FAHD2B: variants seen among roughly 807,000 people sequenced by gnomAD.
FAHD2B encodes oxaloacetate tautomerase FAHD2B, mitochondrial.
A neutral mutation model predicts 33.7 loss-of-function variants in FAHD2B; 26 were observed. The observed-to-expected ratio is 0.77, with a 90% CI of 0.57 to 1.07. The LOEUF is 1.07. Among genes scored for constraint, FAHD2B ranks in the 50% least tolerant of loss-of-function variants. The pLI, the probability that FAHD2B is intolerant of heterozygous loss-of-function variation, is 0.00. For missense variants in FAHD2B, 272 were observed against 388.1 expected (o/e 0.70, Z 2.51); for synonymous variants, 108 against 150.9 (o/e 0.72, Z 2.08).
At chr2:97,093,895 G>C (rs1056443985) in intron 1 of FAHD2B, among the ~76,000 whole-genome samples, 10 of 152,126 alleles carry the variant, frequency 6.6e-5, no homozygotes, top group Admixed American at 1.3e-4. Context: ...AGCTAGGAGG[G>C]GAGGGAGCTG....
chr2:97,084,855 G>C (rs1399476456), intron 6 of FAHD2B, among the ~76,000 whole-genome samples: 5 of 149,042 alleles, frequency 3.4e-5, no homozygotes, highest in African/African-American at 7.5e-5. Flanking sequence ...TGAGGCTTCA[G>C]TGAGCTGGGA....
chr2:97,091,520 G>C lies in FAHD2B; in HGVS notation c.187C>G (p.Pro63Ala). The C allele has an allele frequency of 6.2e-7, 1 of 1,613,452 alleles. No individual in the cohort carries two copies. The highest frequency in any genetic ancestry group is 8.5e-7 in the Non-Finnish European group (1 of 1,179,884). The change falls in exon 3 of 9, where the codon CCA becomes GCA. Residue 63 changes from proline to alanine, a missense_variant. Coordinates refer to ENST00000414820, the MANE Select transcript of FAHD2B (RefSeq NM_001320848.2). ...INLNAFDPTL[P>A]KTMTQFLEQG... The stretch of plus-strand genomic sequence containing the variant: ...TCTAGGAACTGCGTCATCGTCTTTG[G>C]GAGTGTGGGGTCAAAGGCATTGAGG...
At chr2:97,093,407 A>G (rs1216707573) in intron 1 of FAHD2B, among the ~76,000 whole-genome samples, 1 of 151,994 alleles carries the variant, frequency 6.6e-6, no homozygotes, top group Non-Finnish European at 1.5e-5. Context: ...ATGCTAACAT[A>G]ACAGTAACTG....
downstream of FAHD2B, chr2:97,082,403 G>C (rs527766084): frequency 1.5e-5 from 24 of 1,613,674 alleles, no homozygotes; most frequent in Non-Finnish European, 2.0e-5. Context: ...CTGCAGAGTC[G>C]GGCTACACAG....
At chr2:97,092,807 C>T in intron 1 of FAHD2B, among the ~76,000 whole-genome samples, 1 of 151,430 alleles carries the variant, frequency 6.6e-6, no homozygotes, top group African/African-American at 2.4e-5. Flanking sequence ...CCTGTATCCC[C>T]TAAAAATGCA....
At chr2:97,093,986 C>T (rs111727400) in intron 1 of FAHD2B, among the ~76,000 whole-genome samples, 3 of 151,998 alleles carry the variant, frequency 2.0e-5, no homozygotes, top group Non-Finnish European at 4.4e-5. Context: ...TAGCTTCAGC[C>T]CCATCTTCCT....
downstream of FAHD2B, among the ~76,000 whole-genome samples, chr2:97,079,674 T>G (rs2031581780): frequency 1.3e-5 from 2 of 151,596 alleles, no homozygotes; most frequent in African/African-American, 2.4e-5. Flanking sequence ...TTCTTTTCTT[T>G]TTTTTTTTGA....
At chr2:97,094,185 G>A (rs879685021) in intron 1 of FAHD2B, among the ~76,000 whole-genome samples, 2 of 152,078 alleles carry the variant, frequency 1.3e-5, no homozygotes, top group Admixed American at 1.3e-4. Flanking sequence ...GGACGAGGCT[G>A]GTTACCAGCT....
downstream of FAHD2B, chr2:97,082,242 G>A (rs531693418): frequency 1.7e-5 from 27 of 1,554,270 alleles, no homozygotes; most frequent in African/African-American, 2.8e-4. Flanking sequence ...TTCCTCTGCC[G>A]CCTGCTCAGC....
In FAHD2B at chr2:97,083,989, G is replaced by A. The variant is rs1316365209; in HGVS notation, c.841C>T (p.Pro281Ser). 3.1e-6 allele frequency: 5 copies of A among 1,613,682 alleles called. No homozygotes were observed. Among genetic ancestry groups the A allele is most frequent in the Non-Finnish European group, 4.2e-6 (5 of 1,179,982 alleles). Residue 281 changes from proline to serine, a missense_variant, in exon 8 of 9, where the codon CCA becomes TCA. Transcript: ENST00000414820. The part of the protein sequence containing the change: ...PGDVILTGTP[P>S]GVGVFRKPPV... ...GGTTTCCTGAATACACCGACACCTG[G>A]GGGGGTCCCAGTTAGGATGACATCC...
downstream of FAHD2B, chr2:97,083,260 A>C (rs1453605869): frequency 6.2e-7 from 1 of 1,607,142 alleles, no homozygotes; most frequent in Non-Finnish European, 8.5e-7. Context: ...TTGTAGCTAG[A>C]ACTGTGAGGA....
chr2:97,080,927 C>T (rs1400676622), downstream of FAHD2B, among the ~76,000 whole-genome samples: 1 of 152,102 alleles, frequency 6.6e-6, no homozygotes, highest in African/African-American at 2.4e-5. Context: ...AATTTTTGCA[C>T]ATTAATTTTG....
Position 97,084,040 on chromosome 2 carries a change from A to G in FAHD2B, c.795-5T>C. On this transcript the variant is annotated splice_polypyrimidine_tract_variant and splice_region_variant and intron_variant, in intron 7 of 8. Coordinates refer to ENST00000414820, the MANE Select transcript of FAHD2B (RefSeq NM_001320848.2). ...CCTGGGTAAAAGGTAACAAACCTGG[A>G]GCAAAGCAAAAGGACCCAGTGAGAC... 6.2e-7 allele frequency: 1 copy of G among 1,613,598 alleles called. No homozygotes were observed. The highest frequency in any genetic ancestry group is 8.5e-7 in the Non-Finnish European group (1 of 1,179,876).
chr2:97,093,626 C>T (rs895692986), intron 1 of FAHD2B, among the ~76,000 whole-genome samples: 5 of 151,968 alleles, frequency 3.3e-5, no homozygotes, highest in Non-Finnish European at 4.4e-5. Context: ...AGGCGCATGC[C>T]GCCACGCCCG....
intron 6 of FAHD2B, among the ~76,000 whole-genome samples, chr2:97,084,984 G>A (rs1021263724): frequency 6.6e-5 from 10 of 151,916 alleles, no homozygotes; most frequent in African/African-American, 2.4e-5. Context: ...GAGAAGCCTC[G>A]TGTATCAGCC....
intron 1 of FAHD2B, among the ~76,000 whole-genome samples, chr2:97,092,360 C>G (rs1489397820): frequency 6.6e-6 from 1 of 152,124 alleles, no homozygotes; most frequent in African/African-American, 2.4e-5. Context: ...ACACCCCCAC[C>G]TGCCTCCCCA....
At chr2:97,082,466 T>C, downstream of FAHD2B, 1 of 1,613,212 alleles carries the variant, frequency 6.2e-7, no homozygotes, top group South Asian at 1.1e-5. Flanking sequence ...GGATCTTCGG[T>C]GAGTCTCAAC....
downstream of FAHD2B, chr2:97,082,104 G>A: frequency 6.3e-7 from 1 of 1,581,176 alleles, no homozygotes; most frequent in Non-Finnish European, 8.6e-7. Context: ...CCGAGGGCCA[G>A]TACTCCAGGG....
At chr2:97,093,627 G>A (rs545261778) in intron 1 of FAHD2B, among the ~76,000 whole-genome samples, 5 of 151,916 alleles carry the variant, frequency 3.3e-5, no homozygotes, top group East Asian at 3.9e-4. Flanking sequence ...GGCGCATGCC[G>A]CCACGCCCGG....
Sources: gnomAD v4.1 joint callset for allele counts (sites outside exome capture counted in the v4.1 genomes callset) on GRCh38, gnomAD v4.1.1 for gene constraint, MANE v1.5 for transcripts, NCBI Gene and HGNC (gene_info 2026-07-23, HGNC 2026-07-21) for gene names.